The following ZDHHC14 variants were observed in gnomAD, a reference collection of about 807,000 sequenced individuals.
ZDHHC14 encodes zDHHC palmitoyltransferase 14.
ZDHHC14 carries 16 observed loss-of-function variants against 47.7 expected under a neutral mutation model. That is an observed-to-expected ratio of 0.34 (90% CI 0.23 to 0.51). The LOEUF (loss-of-function observed/expected upper bound fraction) is 0.51. Among genes scored for constraint, ZDHHC14 ranks in the 20% least tolerant of loss-of-function variants. The pLI is 0.97. For synonymous variants in ZDHHC14, 293 were observed against 278.9 expected (o/e 1.05, Z -0.50); for missense variants, 515 against 662.5 (o/e 0.78, Z 2.44).
At chr6:157,580,401 C>T (rs1000302768) in intron 2 of ZDHHC14, among the ~76,000 whole-genome samples, 1 of 152,092 alleles carries the variant, frequency 6.6e-6, no homozygotes, top group African/African-American at 2.4e-5. Context: ...CAGGATGATG[C>T]TGGCCTCAGA....
In ZDHHC14 at chr6:157,584,329, G is replaced by A. The variant is rs143512018; in HGVS notation, c.407-8659G>A. ...GTGGTGTGCTGGAGGTGCCAGCATAGTGACTAGGCCCTTTGTTCCTTCCCC... is the reference window on the plus strand; with the variant it reads ...GTGGTGTGCTGGAGGTGCCAGCATAATGACTAGGCCCTTTGTTCCTTCCCC... On this transcript the variant is annotated intron_variant, in intron 2 of 8. Coordinates refer to ENST00000359775, the MANE Select transcript of ZDHHC14 (RefSeq NM_024630.3). Among the ~76,000 whole-genome samples the A allele has an allele frequency of 4.5e-3, 692 of 152,288 alleles. 7 individuals are homozygous for A. The highest frequency in any genetic ancestry group is 0.016 in the African/African-American group (650 of 41,548).
intron 8 of ZDHHC14, among the ~76,000 whole-genome samples, chr6:157,657,894 C>T (rs1778173972): frequency 1.3e-5 from 2 of 152,202 alleles, no homozygotes; most frequent in African/African-American, 4.8e-5. Flanking sequence ...GGAGACCAGA[C>T]TGCTACCGCT....
intron 5 of ZDHHC14, among the ~76,000 whole-genome samples, chr6:157,636,144 G>A (rs1270208182): frequency 1.3e-5 from 2 of 152,164 alleles, no homozygotes; most frequent in South Asian, 2.1e-4. Context: ...CAGCCAGGGC[G>A]TAGAGCCTGA....
At chr6:157,594,547 G>A (rs749731023) in intron 3 of ZDHHC14, among the ~76,000 whole-genome samples, 1 of 152,240 alleles carries the variant, frequency 6.6e-6, no homozygotes, top group Non-Finnish European at 1.5e-5. Flanking sequence ...TGAACAGGTG[G>A]AAAGTGCCTG....
intron 1 of ZDHHC14, among the ~76,000 whole-genome samples, chr6:157,468,085 A>G (rs1023808240): frequency 3.2e-4 from 48 of 152,336 alleles, no homozygotes; most frequent in African/African-American, 1.1e-3. Context: ...AATCACTACT[A>G]TAAGAAGAAA....
intron 3 of ZDHHC14, among the ~76,000 whole-genome samples, chr6:157,599,594 G>A (rs1274976922): frequency 1.3e-5 from 2 of 152,098 alleles, no homozygotes; most frequent in African/African-American, 4.8e-5. Context: ...CTTTAATGGT[G>A]GATGGCCAAT....
chr6:157,570,063 G>A (rs535745704), intron 2 of ZDHHC14, among the ~76,000 whole-genome samples: 24 of 152,160 alleles, frequency 1.6e-4, no homozygotes, highest in Non-Finnish European at 2.9e-5. Flanking sequence ...CTTATAAATA[G>A]CATCCCCTGC....
intron 2 of ZDHHC14, among the ~76,000 whole-genome samples, chr6:157,568,674 T>TA (rs1405467168): frequency 6.6e-6 from 1 of 152,202 alleles, no homozygotes; most frequent in Non-Finnish European, 1.5e-5. Flanking sequence ...AAAAGATACA[T>TA]ACGTTTTTAA....
rs768275297 is a variant in ZDHHC14, at chr6:157,653,586, G to A, written c.1027G>A (p.Gly343Ser). The change falls in exon 8 of 9, where the codon GGC (glycine) becomes AGC (serine). Residue 343 changes from glycine to serine, a missense_variant. Physicochemically the swap from Gly to Ser is moderately conservative, Grantham distance 56. This residue lies in a region of ZDHHC14 where 221 missense variants were observed against 233.6 expected (regional missense o/e 0.95). Coordinates refer to ENST00000359775, the MANE Select transcript of ZDHHC14 (RefSeq NM_024630.3). The part of the protein sequence containing the change: ...DTPQPAAPSN[G>S]ITMYGATQSQ... Reference sequence around the variant, plus strand: ...GCCGCAGCCAGCAGCACCCTCCAATGGCATCACCATGTACGGGGCCACGCA... The same window carrying A: ...GCCGCAGCCAGCAGCACCCTCCAATAGCATCACCATGTACGGGGCCACGCA... The A allele has an allele frequency of 1.1e-5, 17 of 1,613,806 alleles. No homozygotes were observed. The Admixed American group carries it at 1.8e-4, about 17-fold the overall frequency.
chr6:157,654,775 G>A (rs952725846), intron 8 of ZDHHC14, among the ~76,000 whole-genome samples: 29 of 149,630 alleles, frequency 1.9e-4, no homozygotes, highest in Non-Finnish European at 3.3e-4. Context: ...TTGCTCTGTC[G>A]CCCAGGCTGG....
Position 157,550,401 on chromosome 6 carries a change from A to AC in ZDHHC14, c.406+7657dup, listed in dbSNP as rs1782176762. ...CATTCTAGAGAGACTGCAGTGTCAC[A>AC]CAGGCATTCTAGAGAGACCACAGTG... On this transcript the variant is annotated intron_variant, in intron 2 of 8. Transcript: ENST00000359775. Among the ~76,000 whole-genome samples the AC allele has an allele frequency of 1.3e-5, 2 of 152,042 alleles. 1 individual carries two copies. Among genetic ancestry groups the AC allele is most frequent in the South Asian group, 4.1e-4 (2 of 4,822 alleles).
At chr6:157,454,721 A>T (rs1778875193) in intron 1 of ZDHHC14, among the ~76,000 whole-genome samples, 1 of 152,112 alleles carries the variant, frequency 6.6e-6, no homozygotes, top group African/African-American at 2.4e-5. Context: ...AATAGATATA[A>T]ATGCTCTAAT....
intron 3 of ZDHHC14, among the ~76,000 whole-genome samples, chr6:157,593,571 G>T (rs1488023097): frequency 6.6e-6 from 1 of 152,192 alleles, no homozygotes; most frequent in African/African-American, 2.4e-5. Flanking sequence ...AAAAGAGGCA[G>T]GATCCGGGAG....
At chr6:157,533,505 G>A (rs534717410) in intron 1 of ZDHHC14, among the ~76,000 whole-genome samples, 193 of 152,332 alleles carry the variant, frequency 1.3e-3, no homozygotes, top group African/African-American at 4.0e-3. Context: ...TAGGGAGGGA[G>A]TTCCAGGCAG....
intron 3 of ZDHHC14, among the ~76,000 whole-genome samples, chr6:157,602,702 G>A (rs1784382843): frequency 6.6e-6 from 1 of 152,084 alleles, no homozygotes; most frequent in Non-Finnish European, 1.5e-5. Flanking sequence ...GTGTGAAAGT[G>A]TCAGGAAGGC....
At chr6:157,499,429 T>C (rs901543308) in intron 1 of ZDHHC14, among the ~76,000 whole-genome samples, 1 of 151,520 alleles carries the variant, frequency 6.6e-6, no homozygotes, top group Non-Finnish European at 1.5e-5. Flanking sequence ...ACTAATCCCA[T>C]CATGGGGCCC....
chr6:157,385,518 CCTGT>C (rs1554254507), intron 1 of ZDHHC14, among the ~76,000 whole-genome samples: 2 of 152,238 alleles, frequency 1.3e-5, no homozygotes, highest in Non-Finnish European at 2.9e-5. Flanking sequence ...TTAGCCCTCC[CCTGT>C]CTGCAATTCT....
Position 157,673,330 on chromosome 6 carries a change from A to C in ZDHHC14, c.*208A>C. The C allele has an allele frequency of 3.3e-6, 2 of 607,794 alleles. No homozygotes were observed. Among genetic ancestry groups the C allele is most frequent in the Non-Finnish European group, 5.3e-6 (2 of 376,082 alleles). 37.7% of individuals were successfully genotyped at this position (607,794 alleles called of 1,614,324 possible). A position where few individuals can be genotyped will look rare whatever the true frequency, so the allele number is the denominator to read the frequency against. The stretch of plus-strand genomic sequence containing the variant: ...GGTTTCATTTGAATTTTCTTCCCCA[A>C]CCTGAGTGCTTTGACAACAATGGAA... On this transcript the variant is annotated 3_prime_UTR_variant, in exon 9 of 9. Transcript: ENST00000359775. The surrounding 1 kb of genome is among the most constrained non-coding windows in gnomAD (Gnocchi z 5.4).
At chr6:157,605,273 T>C (rs1187214230) in intron 3 of ZDHHC14, among the ~76,000 whole-genome samples, 1 of 152,240 alleles carries the variant, frequency 6.6e-6, no homozygotes, top group African/African-American at 2.4e-5. Flanking sequence ...AAAGACTAAT[T>C]GAAATGGAAA....
Sources: allele counts gnomAD v4.1 joint callset (sites outside exome capture counted in the v4.1 genomes callset), GRCh38; gene constraint gnomAD v4.1.1; regional missense constraint gnomAD v4.1.1; non-coding constraint Gnocchi (gnomAD v3.1); transcripts MANE v1.5; gene names NCBI Gene and HGNC (gene_info 2026-07-23, HGNC 2026-07-21).